The following OGDHL variants were observed in gnomAD, a reference collection of about 807,000 sequenced individuals.
OGDHL encodes the protein oxoglutarate dehydrogenase L, also known as 2-oxoglutarate dehydrogenase-like, mitochondrial.
In OGDHL, 79 loss-of-function variants were observed where a neutral mutation model predicts 109.6. The ratio of observed to expected loss-of-function variants is 0.72; its 90% CI spans 0.60 to 0.87. The LOEUF (loss-of-function observed/expected upper bound fraction) is 0.87. Ranked by LOEUF, OGDHL falls within the 40% of genes least tolerant of loss-of-function variation. OGDHL has a pLI of 0.00. For synonymous variants in OGDHL, 528 were observed against 537.2 expected (o/e 0.98, Z 0.24); for missense variants, 1,275 against 1,362.2 (o/e 0.94, Z 1.01).
At chr10:49,743,390 T>TTTGGTC (rs151179678) in intron 14 of OGDHL, among the ~76,000 whole-genome samples, 3 of 151,372 alleles carry the variant, frequency 2.0e-5, no homozygotes, top group Non-Finnish European at 4.4e-5. Context: ...CCCCAGGACA[T>TTTGGTC]TCGGTCTCGG....
rs747246803 is a variant in OGDHL at position 49,751,907 on chromosome 10, C to T, written c.669G>A (p.Gln223=). 6.2e-7 allele frequency: 1 copy of T among 1,614,212 alleles called. No homozygotes were observed. The highest frequency in any genetic ancestry group is 1.1e-5 in the South Asian group (1 of 91,084). The change falls in exon 6 of 23, where the codon CAG becomes CAA. Residue 223 remains glutamine, a synonymous_variant. Coordinates refer to ENST00000374103, the MANE Select transcript of OGDHL (RefSeq NM_018245.3). The part of the protein sequence containing the change: ...NDVEQCQWIR[Q]KFETPGVMQF... ...GCATCACACCAGGGGTCTCAAACTTCTGCCGGATCCACTGGCACTGCTCCA... is the reference window on the plus strand; with the variant it reads ...GCATCACACCAGGGGTCTCAAACTTTTGCCGGATCCACTGGCACTGCTCCA...
At chr10:49,745,583 G>A in intron 11 of OGDHL, 87 bp from the exon 12 acceptor site, 4 of 1,545,974 alleles carry the variant, frequency 2.6e-6, no homozygotes, top group Non-Finnish European at 3.5e-6. Flanking sequence ...ATCTGGGTAG[G>A]GCACACCCAC....
intron 16 of OGDHL, 102 bp downstream of exon 16, chr10:49,740,608 A>C (rs1590691523): frequency 1.4e-6 from 2 of 1,403,218 alleles, no homozygotes; most frequent in Non-Finnish European, 9.5e-7. Flanking sequence ...GCCTCTGAGC[A>C]TCTCTCGCCC....
chr10:49,752,842 T>C, intron 3 of OGDHL, 102 bp from the exon 4 acceptor site: 1 of 799,582 alleles, frequency 1.3e-6, no homozygotes. Context: ...CATTCCCGAA[T>C]GTTAAGCTTC....
intron 17 of OGDHL, chr10:49,739,013 G>A (rs900424050): frequency 1.3e-5 from 2 of 152,734 alleles, no homozygotes; most frequent in Non-Finnish European, 1.5e-5. Context: ...TGAGGATGCC[G>A]AGTATGCAGC....
At position 49,736,151 on chromosome 10, in the gene OGDHL, G is replaced by T; in HGVS notation, c.2781C>A (p.Ile927=). The T allele has an allele frequency of 1.2e-6, 2 of 1,604,234 alleles. No individual in the cohort carries two copies. Among genetic ancestry groups the T allele is most frequent in the South Asian group, 1.1e-5 (1 of 89,000 alleles). ...CTGGGTACTTCTCTGCCTCCTGCTT[G>T]ATCAGGTCGAAGGGGAATGGAGAGA... ...EQISPFPFDL[I]KQEAEKYPGA... The change falls in exon 22 of 23, where the codon ATC becomes ATA. Residue 927 remains isoleucine, a synonymous_variant. Transcript: ENST00000374103.
intron 9 of OGDHL, 38 bp downstream of exon 9, chr10:49,746,991 A>G: frequency 6.2e-7 from 1 of 1,609,402 alleles, no homozygotes; most frequent in Non-Finnish European, 8.5e-7. Context: ...CCCACCCTGA[A>G]GGGCCCAGGT....
intron 16 of OGDHL, among the ~76,000 whole-genome samples, chr10:49,740,447 A>G (rs1337462669): frequency 6.6e-6 from 1 of 152,080 alleles, no homozygotes; most frequent in Non-Finnish European, 1.5e-5. Context: ...GTCTGCGCCC[A>G]CTGGGGCCCT....
chr10:49,749,820 G>A lies in OGDHL; in HGVS notation c.897-4C>T, dbSNP rs375745424. The A allele has an allele frequency of 1.3e-6, 2 of 1,587,118 alleles. No homozygotes were observed. Among genetic ancestry groups the A allele is most frequent in the Non-Finnish European group, 1.7e-6 (2 of 1,170,844 alleles). ...GGCCAGCACGTTCAGCCTTCCCCTG[G>A]AGCCAGAGGGGCCGGGCTCTCACCT... On this transcript the variant is annotated splice_polypyrimidine_tract_variant and splice_region_variant and intron_variant, in intron 7 of 22. Transcript: ENST00000374103.
chr10:49,752,681 G>T lies in OGDHL; in HGVS notation c.435C>A (p.Asp145Glu). 2.5e-6 allele frequency: 4 copies of T among 1,614,204 alleles called. No homozygotes were observed. The highest frequency in any genetic ancestry group is 3.4e-6 in the Non-Finnish European group (4 of 1,180,026). The change falls in exon 4 of 23, where the codon GAC becomes GAA. Residue 145 changes from aspartate to glutamate, a missense_variant. Coordinates refer to ENST00000374103, the MANE Select transcript of OGDHL (RefSeq NM_018245.3). ...TGATCAAGTCTGAGGGCACAAAGGA[G>T]TCCAGGTCTGCATCCAGAATGCCCA... is the stretch of plus-strand genomic sequence containing the variant. Reference protein sequence around the residue: ...DPLGILDADLDSFVPSDLITT... With the variant: ...DPLGILDADLESFVPSDLITT...
At chr10:49,759,044 G>C (rs1843100358) in intron 1 of OGDHL, among the ~76,000 whole-genome samples, 1 of 152,098 alleles carries the variant, frequency 6.6e-6, no homozygotes, top group Non-Finnish European at 1.5e-5. Context: ...GTCCTCCAGG[G>C]GTCAGGTGTG....
chr10:49,745,670 G>T, intron 11 of OGDHL, 128 bp downstream of exon 11: 2 of 1,304,916 alleles, frequency 1.5e-6, no homozygotes, highest in Non-Finnish European at 2.1e-6. Context: ...GATTGCTCTT[G>T]GTGGCATAAA....
At chr10:49,743,096 G>T in intron 14 of OGDHL, 118 bp from the exon 15 acceptor site, 2 of 1,325,212 alleles carry the variant, frequency 1.5e-6, no homozygotes, top group Non-Finnish European at 2.0e-6. Flanking sequence ...TTTGGTTGGA[G>T]GGCAGGGATG....
chr10:49,754,983 G>A (rs1206916440), intron 3 of OGDHL, among the ~76,000 whole-genome samples: 5 of 152,158 alleles, frequency 3.3e-5, no homozygotes, highest in Admixed American at 1.3e-4. Context: ...AATGGCTCAC[G>A]CTGTAATCCC....
intron 15 of OGDHL, among the ~76,000 whole-genome samples, chr10:49,741,197 G>A (rs186233346): frequency 1.9e-4 from 29 of 152,216 alleles, no homozygotes; most frequent in Admixed American, 1.5e-3. Context: ...GCTAGAGCCA[G>A]AGACCCTAGG....
chr10:49,745,860 A>C lies in OGDHL; in HGVS notation c.1414T>G (p.Tyr472Asp), dbSNP rs751699802. ...CATTCGGCTGCCACACTGCACACAT[A>C]TATCACAGCCTCTGGGTCATCGGCA... ...VNADDPEAVIYVCSVAAEWRN... is the reference protein window; with the variant it reads ...VNADDPEAVIDVCSVAAEWRN... Residue 472 changes from tyrosine (Y) to aspartate (D), a missense_variant, in exon 11 of 23, where the codon TAT (tyrosine) becomes GAT (aspartate). By Grantham distance (160) the Tyr-to-Asp change is radical. Transcript: ENST00000374103. 2 of 1,614,128 alleles carry C rather than the reference A, an allele frequency of 1.2e-6. No homozygotes were observed. Among genetic ancestry groups the C allele is most frequent in the Non-Finnish European group, 1.7e-6 (2 of 1,180,034 alleles).
intron 3 of OGDHL, among the ~76,000 whole-genome samples, chr10:49,756,028 G>A (rs1320083763): frequency 6.6e-6 from 1 of 152,160 alleles, no homozygotes; most frequent in East Asian, 1.9e-4. Flanking sequence ...GGTGTACAGG[G>A]AACTCTGTTC....
At chr10:49,749,638 C>T in intron 8 of OGDHL, 88 bp downstream of exon 8, 10 of 1,153,482 alleles carry the variant, frequency 8.7e-6, no homozygotes, top group Non-Finnish European at 1.2e-5. Context: ...TTTATCTCAG[C>T]CCGGAAGCTC....
chr10:49,752,832 C>T, intron 3 of OGDHL, 92 bp from the exon 4 acceptor site: 2 of 889,112 alleles, frequency 2.2e-6, no homozygotes, highest in Non-Finnish European at 3.5e-6. Context: ...CCTCTCTTCC[C>T]ATTCCCGAAT....
Sources: gnomAD v4.1 joint callset for allele counts (sites outside exome capture counted in the v4.1 genomes callset) on GRCh38, gnomAD v4.1.1 for gene constraint, MANE v1.5 for transcripts, NCBI Gene and HGNC (gene_info 2026-07-23, HGNC 2026-07-21) for gene names.